The following NCK2 variants were observed in gnomAD, a reference collection of about 807,000 sequenced individuals.
NCK2 encodes NCK adaptor protein 2.
In NCK2, 16 loss-of-function variants were observed where a neutral mutation model predicts 33.9. The ratio of observed to expected loss-of-function variants is 0.47; its 90% CI spans 0.32 to 0.72. The LOEUF is 0.72. Among genes scored for constraint, NCK2 ranks in the 30% least tolerant of loss-of-function variants. NCK2 has a pLI of 0.03. For synonymous variants in NCK2, 273 were observed against 239.9 expected (o/e 1.14, Z -1.27); for missense variants, 418 against 537.3 (o/e 0.78, Z 2.19).
intron 4 of NCK2, among the ~76,000 whole-genome samples, chr2:105,883,785 G>A (rs1678606155): frequency 6.6e-6 from 1 of 152,196 alleles, no homozygotes; most frequent in African/African-American, 2.4e-5. Flanking sequence ...AAGAACTAAA[G>A]CACGAATTGT....
rs765331885 is a variant in NCK2, at chr2:105,893,025, A to G, written c.992A>G (p.Lys331Arg). The G allele has an allele frequency of 6.2e-7, 1 of 1,613,854 alleles. No individual in the cohort carries two copies. Among genetic ancestry groups the G allele is most frequent in the South Asian group, 1.1e-5 (1 of 91,090 alleles). The change falls in exon 5 of 5, where the codon AAA becomes AGA. Residue 331 changes from lysine to arginine, a missense_variant. By Grantham distance (26) the Lys-to-Arg change is conservative (BLOSUM62 2). Transcript: ENST00000233154. ...SVSLKASGKN[K>R]HFKVQLVDNV... The stretch of plus-strand genomic sequence containing the variant: ...TCCCTTAAAGCGTCAGGGAAGAACA[A>G]ACACTTCAAGGTGCAGCTCGTGGAC...
intron 4 of NCK2, 130 bp downstream of exon 4, chr2:105,882,179 T>G (rs1477839294): frequency 2.7e-6 from 3 of 1,105,408 alleles, no homozygotes; most frequent in Non-Finnish European, 1.2e-6. Flanking sequence ...TGAATGCAAT[T>G]TAGTATAATG....
At chr2:105,758,413 G>GTTTTTTTTTTTTTTT (rs574939583) in intron 1 of NCK2, among the ~76,000 whole-genome samples, 1 of 132,532 alleles carries the variant, frequency 7.5e-6, no homozygotes, top group Non-Finnish European at 1.6e-5. Context: ...TGTTGTTTTT[G>GTTTTTTTTTTTTTTT]TTTTTTTTTT....
In NCK2 at chr2:105,816,443, T is replaced by C. The variant is rs2104483035; in HGVS notation, c.-187T>C. ...CTTTCTTTTTAGATTTCATGTGTTC[T>C]TTGTATACAAGCGACGTCCCAGATT... is the stretch of plus-strand genomic sequence containing the variant. On this transcript the variant is annotated 5_prime_UTR_variant, in exon 2 of 5. Coordinates refer to ENST00000233154, the MANE Select transcript of NCK2 (RefSeq NM_003581.5). The C allele has an allele frequency of 6.6e-6, 1 of 152,368 alleles. No individual in the cohort carries two copies. Among genetic ancestry groups the C allele is most frequent in the East Asian group, 1.9e-4 (1 of 5,186 alleles). The allele number at this position is 152,368 out of a possible 1,614,324, so 9.4% of individuals were successfully genotyped here.
At chr2:105,793,343 G>A in intron 1 of NCK2, among the ~76,000 whole-genome samples, 1 of 152,186 alleles carries the variant, frequency 6.6e-6, no homozygotes, top group South Asian at 2.1e-4. Flanking sequence ...GTGTCATTTA[G>A]TATGGAAATT....
intron 3 of NCK2, chr2:105,856,977 C>T (rs935305723): frequency 2.0e-5 from 3 of 151,438 alleles, no homozygotes; most frequent in Non-Finnish European, 2.9e-5. Flanking sequence ...ACCAAAGTAC[C>T]ATCTTTTTAG....
rs59005322 is a variant in NCK2, at chr2:105,880,936, A to ATTTTTT, written c.227-365_227-360dup. Among the ~76,000 whole-genome samples, 59 of 103,554 alleles carry ATTTTTT rather than the reference A, an allele frequency of 5.7e-4. 3 individuals are homozygous for ATTTTTT. Among genetic ancestry groups the ATTTTTT allele is most frequent in the Non-Finnish European group, 6.9e-4 (36 of 51,852 alleles). The allele number at this position is 103,554 out of a possible 152,430, so 67.9% of individuals were successfully genotyped here. On this transcript the variant is annotated intron_variant, in intron 3 of 4. Coordinates refer to ENST00000233154, the MANE Select transcript of NCK2 (RefSeq NM_003581.5). Reference sequence around the variant, plus strand: ...CACAGATGTGCACCACAGGTGGCTAATTTTTTTTTTTTTTTTTTTTTTTTT... The same window carrying ATTTTTT: ...CACAGATGTGCACCACAGGTGGCTAATTTTTTTTTTTTTTTTTTTTTTTTTTTTTTT...
At chr2:105,888,779 T>A (rs938622997) in intron 4 of NCK2, among the ~76,000 whole-genome samples, 4 of 152,130 alleles carry the variant, frequency 2.6e-5, no homozygotes, top group Admixed American at 2.6e-4. Flanking sequence ...GCTGTCATGT[T>A]GAGAGTACAT....
At chr2:105,886,540 A>G (rs1386711103) in intron 4 of NCK2, among the ~76,000 whole-genome samples, 7 of 152,230 alleles carry the variant, frequency 4.6e-5, no homozygotes, top group Non-Finnish European at 4.4e-5. Flanking sequence ...CTGAGAACCT[A>G]TGAACTCCTG....
intron 1 of NCK2, among the ~76,000 whole-genome samples, chr2:105,749,995 A>G (rs566359368): frequency 6.7e-6 from 1 of 148,196 alleles, no homozygotes; most frequent in Non-Finnish European, 1.5e-5. Flanking sequence ...ACACCACTGC[A>G]CTCCTGGGTG....
chr2:105,863,577 C>T (rs1040388874), intron 3 of NCK2, among the ~76,000 whole-genome samples: 1 of 152,052 alleles, frequency 6.6e-6, no homozygotes, highest in African/African-American at 2.4e-5. Flanking sequence ...AGGCTTAGTC[C>T]CTGACTTTCT....
intron 1 of NCK2, among the ~76,000 whole-genome samples, chr2:105,750,037 A>AACACACACACACACACACACACACACAC (rs72315025): frequency 1.8e-3 from 262 of 144,530 alleles, no homozygotes; most frequent in Admixed American, 5.9e-3. Context: ...AAAGCAAACA[A>AACACACACACACACACACACACACACAC]ACACACACAC....
chr2:105,883,226 G>T (rs1271432895), intron 4 of NCK2, among the ~76,000 whole-genome samples: 1 of 152,170 alleles, frequency 6.6e-6, no homozygotes, highest in Non-Finnish European at 1.5e-5. Flanking sequence ...ATCATTCCTG[G>T]CAAGACATCA....
At chr2:105,799,720 G>C (rs1232952575) in intron 1 of NCK2, among the ~76,000 whole-genome samples, 1 of 152,164 alleles carries the variant, frequency 6.6e-6, no homozygotes, top group African/African-American at 2.4e-5. Context: ...GAGGTCACTG[G>C]GTTGTTTTGG....
intron 1 of NCK2, among the ~76,000 whole-genome samples, chr2:105,790,545 G>T (rs1436570065): frequency 6.6e-6 from 1 of 152,200 alleles, no homozygotes; most frequent in Non-Finnish European, 1.5e-5. Flanking sequence ...TGGAGCCCTG[G>T]TTTCCTAGGC....
At position 105,892,982 on chromosome 2, in the gene NCK2, C is replaced by T; in HGVS notation, c.949C>T (p.Pro317Ser). Reference protein sequence around the residue: ...DFLIRDSESSPSDFSVSLKAS... With the variant: ...DFLIRDSESSSSDFSVSLKAS... ...TAACTGTGTTCTGTTTCCTCCCCAGCCCAGCGACTTCTCCGTGTCCCTTAA... is the reference window on the plus strand; with the variant it reads ...TAACTGTGTTCTGTTTCCTCCCCAGTCCAGCGACTTCTCCGTGTCCCTTAA... Residue 317 changes from proline to serine, a missense_variant and splice_region_variant, in exon 5 of 5, where the codon CCC (proline) becomes TCC (serine). By Grantham distance (74) the Pro-to-Ser change is moderately conservative. Coordinates refer to ENST00000233154, the MANE Select transcript of NCK2 (RefSeq NM_003581.5). The T allele has an allele frequency of 6.2e-7, 1 of 1,604,522 alleles. No individual in the cohort carries two copies. The highest frequency in any genetic ancestry group is 8.5e-7 in the Non-Finnish European group (1 of 1,172,162).
At position 105,822,182 on chromosome 2, in the gene NCK2, T is replaced by C. The variant is rs951379483; in HGVS notation, c.-17+5569T>C. Among the ~76,000 whole-genome samples the C allele has an allele frequency of 1.3e-4, 20 of 150,130 alleles. 1 individual carries two copies. The highest frequency in any genetic ancestry group is 1.0e-3 in the East Asian group (5 of 5,022). ...CAACTAAGTGCAGTTTGGAGAGTTC[T>C]TTGGAAACGTAAGGGTGTGTGAAGG... On this transcript the variant is annotated intron_variant, in intron 2 of 4. Transcript: ENST00000233154.
rs1678523532 is a variant in NCK2, at chr2:105,882,012, T to C, written c.911T>C (p.Val304Ala). ...GAGTGCGCCCTCAACGAGCGGGGCGTGGAGGGCGACTTCCTCATTAGGGAC... is the reference window on the plus strand; with the variant it reads ...GAGTGCGCCCTCAACGAGCGGGGCGCGGAGGGCGACTTCCTCATTAGGGAC... Reference protein sequence around the residue: ...QAECALNERGVEGDFLIRDSE... With the variant: ...QAECALNERGAEGDFLIRDSE... The change falls in exon 4 of 5, where the codon GTG becomes GCG. Residue 304 changes from valine to alanine, a missense_variant. Val to Ala is a moderately conservative substitution (Grantham distance 64). Coordinates refer to ENST00000233154, the MANE Select transcript of NCK2 (RefSeq NM_003581.5). 1.3e-6 allele frequency: 2 copies of C among 1,505,914 alleles called. No homozygotes were observed. The highest frequency in any genetic ancestry group is 1.8e-6 in the Non-Finnish European group (2 of 1,126,748). The allele number at this position is 1,505,914 out of a possible 1,614,324, so 93.3% of individuals were successfully genotyped here. A position where few individuals can be genotyped will look rare whatever the true frequency, so the allele number is the denominator to read the frequency against.
In NCK2 at chr2:105,882,898, T is replaced by C. The variant is rs1678566446; in HGVS notation, c.948+849T>C. Among the ~76,000 whole-genome samples, 3 of 152,196 alleles carry C rather than the reference T, an allele frequency of 2.0e-5. No homozygotes were observed. The South Asian group carries it at 6.2e-4, about 32-fold the overall frequency. Reference sequence around the variant, plus strand: ...TGGTTCTAGGAGGCTTCAATTTCATTTTTAAATGCACGCTATAAGACTAGT... The same window carrying C: ...TGGTTCTAGGAGGCTTCAATTTCATCTTTAAATGCACGCTATAAGACTAGT... On this transcript the variant is annotated intron_variant, in intron 4 of 4. Coordinates refer to ENST00000233154, the MANE Select transcript of NCK2 (RefSeq NM_003581.5).
Sources: allele counts gnomAD v4.1 joint callset (sites outside exome capture counted in the v4.1 genomes callset), GRCh38; gene constraint gnomAD v4.1.1; transcripts MANE v1.5; gene names NCBI Gene and HGNC (gene_info 2026-07-23, HGNC 2026-07-21).